Variants in RNASE13 observed in about 807,000 individuals in gnomAD.
RNASE13 encodes the protein probable inactive ribonuclease-like protein 13.
For synonymous variants in RNASE13, 67 were observed against 71.6 expected (o/e 0.94, Z 0.32); for missense variants, 188 against 192.8 (o/e 0.98, Z 0.15).
chr14:21,032,985 C>T lies in RNASE13; in HGVS notation c.*833G>A, dbSNP rs570797262. On this transcript the variant is annotated 3_prime_UTR_variant, in exon 2 of 2. Transcript: ENST00000382951. ...TATGTTCGATTAGAGCCGGGCCTGCCTCATTCGCTGCCTGGTCAGGGGCAG... is the reference window on the plus strand; with the variant it reads ...TATGTTCGATTAGAGCCGGGCCTGCTTCATTCGCTGCCTGGTCAGGGGCAG... The T allele has an allele frequency of 1.5e-4, 68 of 456,138 alleles. No homozygotes were observed. Among genetic ancestry groups the T allele is most frequent in the African/African-American group, 1.2e-3 (61 of 50,162 alleles). The allele number at this position is 456,138 out of a possible 1,614,324, so 28.3% of individuals were successfully genotyped here. A position where few individuals can be genotyped will look rare whatever the true frequency, so the allele number is the denominator to read the frequency against.
In RNASE13 at chr14:21,033,186, G is replaced by C; in HGVS notation, c.*632C>G. ...TGACTACGGTTGTTGGGAGTGTGGG[G>C]GAGACAGTCCTAGGCTCCATGGTAA... On this transcript the variant is annotated 3_prime_UTR_variant, in exon 2 of 2. Coordinates refer to ENST00000382951, the MANE Select transcript of RNASE13 (RefSeq NM_001012264.4). 2.7e-6 allele frequency: 1 copy of C among 365,430 alleles called. No homozygotes were observed. Among genetic ancestry groups the C allele is most frequent in the Non-Finnish European group, 5.3e-6 (1 of 187,464 alleles). 22.6% of individuals were successfully genotyped at this position (365,430 alleles called of 1,614,324 possible).
rs1025511681 is a variant in RNASE13 at position 21,034,667 on chromosome 14, C to T, written c.-20G>A. 4 of 197,718 alleles carry T rather than the reference C, an allele frequency of 2.0e-5. No homozygotes were observed. In the Admixed American group the frequency reaches 2.2e-4, roughly 11 times the overall value. The allele number at this position is 197,718 out of a possible 1,614,324, so 12.2% of individuals were successfully genotyped here. A position where few individuals can be genotyped will look rare whatever the true frequency, so the allele number is the denominator to read the frequency against. ...AGGAGCAGGCTGACCTGACAATTCT[C>T]TGGCAGCTGGGAGGAAGGACAGGAG... On this transcript the variant is annotated 5_prime_UTR_variant, in exon 1 of 2. Coordinates refer to ENST00000382951, the MANE Select transcript of RNASE13 (RefSeq NM_001012264.4).
In RNASE13 at chr14:21,034,059, G is replaced by C; in HGVS notation, c.230C>G (p.Ala77Gly). 1 of 1,614,100 alleles carries C rather than the reference G, an allele frequency of 6.2e-7. No individual in the cohort carries two copies. Among genetic ancestry groups the C allele is most frequent in the Non-Finnish European group, 8.5e-7 (1 of 1,179,948 alleles). Residue 77 changes from alanine (A) to glycine (G), a missense_variant, in exon 2 of 2, where the codon GCC becomes GGC. Coordinates refer to ENST00000382951, the MANE Select transcript of RNASE13 (RefSeq NM_001012264.4). Reference protein sequence around the residue: ...DCPKIHYVIHAPWKAIQKFCK... With the variant: ...DCPKIHYVIHGPWKAIQKFCK... Reference sequence around the variant, plus strand: ...GAACTTCTGGATGGCCTTCCAAGGGGCATGTATCACATAATGGATCTTTGG... The same window carrying C: ...GAACTTCTGGATGGCCTTCCAAGGGCCATGTATCACATAATGGATCTTTGG...
At chr14:21,034,547 A>G (rs973032925) in intron 1 of RNASE13, 109 bp downstream of exon 1, 2 of 464,400 alleles carry the variant, frequency 4.3e-6, no homozygotes, top group African/African-American at 3.9e-5. Context: ...ACATTTGCAG[A>G]ATAAGAGCTC....
Position 21,034,298 on chromosome 14 carries a change from T to C in RNASE13, c.-8-2A>G. On this transcript the variant is annotated splice_acceptor_variant, in intron 1 of 1. Coordinates refer to ENST00000382951, the MANE Select transcript of RNASE13 (RefSeq NM_001012264.4). LOFTEE classifies it low-confidence loss of function (5UTR_SPLICE). ...TCACAGCTGGTGCCATTCCTCCTGC[T>C]GGTAGAGTTAAGGTGGTTGGGGGCA... 6.2e-7 allele frequency: 1 copy of C among 1,601,424 alleles called. No homozygotes were observed. The highest frequency in any genetic ancestry group is 8.5e-7 in the Non-Finnish European group (1 of 1,173,032).
Position 21,033,753 on chromosome 14 carries a change from G to T in RNASE13, c.*65C>A. The T allele has an allele frequency of 1.8e-6, 2 of 1,085,446 alleles. No individual in the cohort carries two copies. Among genetic ancestry groups the T allele is most frequent in the Non-Finnish European group, 2.9e-6 (2 of 697,922 alleles). 67.2% of individuals were successfully genotyped at this position (1,085,446 alleles called of 1,614,324 possible). A position where few individuals can be genotyped will look rare whatever the true frequency, so the allele number is the denominator to read the frequency against. On this transcript the variant is annotated 3_prime_UTR_variant, in exon 2 of 2. Transcript: ENST00000382951. Reference sequence around the variant, plus strand: ...GTCAGGAAGGAAGTCTTGTTACAGGGATCAGAGTGTTGGAAATGGAGACAG... The same window carrying T: ...GTCAGGAAGGAAGTCTTGTTACAGGTATCAGAGTGTTGGAAATGGAGACAG...
intron 1 of RNASE13, 34 bp from the exon 2 acceptor site, chr14:21,034,330 G>C (rs1197258228): frequency 7.0e-7 from 1 of 1,434,952 alleles, no homozygotes; most frequent in Non-Finnish European, 9.6e-7. Context: ...GGCAGCAGTG[G>C]GCCTGAAGTG....
Position 21,033,104 on chromosome 14 carries a change from CA to C in RNASE13, c.*713del, listed in dbSNP as rs1043714343. 1.5e-5 allele frequency: 6 copies of C among 410,762 alleles called. No homozygotes were observed. Among genetic ancestry groups the C allele is most frequent in the African/African-American group, 1.3e-4 (6 of 47,614 alleles). The allele number at this position is 410,762 out of a possible 1,614,324, so 25.4% of individuals were successfully genotyped here. A position where few individuals can be genotyped will look rare whatever the true frequency, so the allele number is the denominator to read the frequency against. On this transcript the variant is annotated 3_prime_UTR_variant, in exon 2 of 2. Coordinates refer to ENST00000382951, the MANE Select transcript of RNASE13 (RefSeq NM_001012264.4). ...GGTGAGAGAAGATACCTTGAAATGC[CA>C]GTGAGCCAAGGTAAGAAGACTGGAA...
In RNASE13 at chr14:21,033,602, G is replaced by C. The variant is rs2139088768; in HGVS notation, c.*216C>G. 1.7e-6 allele frequency: 1 copy of C among 588,302 alleles called. No individual in the cohort carries two copies. Among genetic ancestry groups the C allele is most frequent in the Non-Finnish European group, 3.0e-6 (1 of 328,214 alleles). 36.4% of individuals were successfully genotyped at this position (588,302 alleles called of 1,614,324 possible). A position where few individuals can be genotyped will look rare whatever the true frequency, so the allele number is the denominator to read the frequency against. On this transcript the variant is annotated 3_prime_UTR_variant, in exon 2 of 2. Coordinates refer to ENST00000382951, the MANE Select transcript of RNASE13 (RefSeq NM_001012264.4). ...GAGAGGAAGGATGATGAGGAGGTGGGGGCGAAGAGGGGGTAAACAAGCTGG... is the reference window on the plus strand; with the variant it reads ...GAGAGGAAGGATGATGAGGAGGTGGCGGCGAAGAGGGGGTAAACAAGCTGG...
Position 21,033,662 on chromosome 14 carries a change from G to A in RNASE13, c.*156C>T. 1.6e-6 allele frequency: 1 copy of A among 643,292 alleles called. No homozygotes were observed. Among genetic ancestry groups the A allele is most frequent in the Non-Finnish European group, 2.8e-6 (1 of 356,012 alleles). The allele number at this position is 643,292 out of a possible 1,614,324, so 39.8% of individuals were successfully genotyped here. A position where few individuals can be genotyped will look rare whatever the true frequency, so the allele number is the denominator to read the frequency against. On this transcript the variant is annotated 3_prime_UTR_variant, in exon 2 of 2. Transcript: ENST00000382951. ...AGAAGATAGCACCACTTTGCATGGT[G>A]ATCAAAGCCCTGGACATTTTCGCAC...
rs1429884044 is a variant in RNASE13 at position 21,033,600 on chromosome 14, G to T, written c.*218C>A. The T allele has an allele frequency of 3.4e-6, 2 of 587,070 alleles. No individual in the cohort carries two copies. 36.4% of individuals were successfully genotyped at this position (587,070 alleles called of 1,614,324 possible). On this transcript the variant is annotated 3_prime_UTR_variant, in exon 2 of 2. Coordinates refer to ENST00000382951, the MANE Select transcript of RNASE13 (RefSeq NM_001012264.4). ...GGGAGAGGAAGGATGATGAGGAGGT[G>T]GGGGCGAAGAGGGGGTAAACAAGCT...
rs560423427 is a variant in RNASE13 at position 21,033,125 on chromosome 14, C to T, written c.*693G>A. The T allele has an allele frequency of 1.6e-5, 6 of 385,458 alleles. No homozygotes were observed. Among genetic ancestry groups the T allele is most frequent in the Admixed American group, 3.5e-5 (1 of 28,580 alleles). The allele number at this position is 385,458 out of a possible 1,614,324, so 23.9% of individuals were successfully genotyped here. Reference sequence around the variant, plus strand: ...ATGCCAGTGAGCCAAGGTAAGAAGACTGGAAGAAAAAGAGGTTGGAAAAAG... The same window carrying T: ...ATGCCAGTGAGCCAAGGTAAGAAGATTGGAAGAAAAAGAGGTTGGAAAAAG... On this transcript the variant is annotated 3_prime_UTR_variant, in exon 2 of 2. Transcript: ENST00000382951.
At position 21,033,032 on chromosome 14, in the gene RNASE13, G is replaced by T. The variant is rs780234559; in HGVS notation, c.*786C>A. ...GCAGACTCTGGAGTCTGGGGGATTT[G>T]GGAGGAGCTTCTGGAAGAGAAGGGA... On this transcript the variant is annotated 3_prime_UTR_variant, in exon 2 of 2. Coordinates refer to ENST00000382951, the MANE Select transcript of RNASE13 (RefSeq NM_001012264.4). The T allele has an allele frequency of 2.2e-5, 10 of 453,410 alleles. No homozygotes were observed. The highest frequency in any genetic ancestry group is 2.2e-5 in the Non-Finnish European group (5 of 226,180). 28.1% of individuals were successfully genotyped at this position (453,410 alleles called of 1,614,324 possible). A position where few individuals can be genotyped will look rare whatever the true frequency, so the allele number is the denominator to read the frequency against.
intron 1 of RNASE13, 50 bp downstream of exon 1, chr14:21,034,606 G>A (rs950432019): frequency 3.4e-6 from 1 of 294,636 alleles, no homozygotes; most frequent in Non-Finnish European, 6.3e-6. Flanking sequence ...TTGGGCCCCT[G>A]GCACTCCTGC....
chr14:21,032,976 C>T lies in RNASE13; in HGVS notation c.*842G>A, dbSNP rs185545100. The T allele has an allele frequency of 3.6e-4, 164 of 456,084 alleles. 2 individuals carry two copies. In the Admixed American group the frequency reaches 3.8e-3, roughly 10 times the overall value. The allele number at this position is 456,084 out of a possible 1,614,324, so 28.3% of individuals were successfully genotyped here. A position where few individuals can be genotyped will look rare whatever the true frequency, so the allele number is the denominator to read the frequency against. ...TTAGAAATTTATGTTCGATTAGAGCCGGGCCTGCCTCATTCGCTGCCTGGT... is the reference window on the plus strand; with the variant it reads ...TTAGAAATTTATGTTCGATTAGAGCTGGGCCTGCCTCATTCGCTGCCTGGT... On this transcript the variant is annotated 3_prime_UTR_variant, in exon 2 of 2. Transcript: ENST00000382951.
chr14:21,034,335 G>A (rs768009356), intron 1 of RNASE13, 39 bp from the exon 2 acceptor site: 9 of 1,420,366 alleles, frequency 6.3e-6, no homozygotes, highest in Non-Finnish European at 7.8e-6. Context: ...CAGTGGGCCT[G>A]AAGTGGCTGT....
rs375015270 is a variant in RNASE13 at position 21,034,073 on chromosome 14, A to G, written c.216T>C (p.His72=). Residue 72 remains histidine, a synonymous_variant, in exon 2 of 2, where the codon CAT becomes CAC. Coordinates refer to ENST00000382951, the MANE Select transcript of RNASE13 (RefSeq NM_001012264.4). Reference sequence around the variant, plus strand: ...CCTTCCAAGGGGCATGTATCACATAATGGATCTTTGGGCAATCTGAATTTT... The same window carrying G: ...CCTTCCAAGGGGCATGTATCACATAGTGGATCTTTGGGCAATCTGAATTTT... ...KMQNSDCPKI[H]YVIHAPWKAI... 52 of 1,614,168 alleles carry G rather than the reference A, an allele frequency of 3.2e-5. No homozygotes were observed. The highest frequency in any genetic ancestry group is 1.2e-4 in the South Asian group (11 of 91,082).
In RNASE13 at chr14:21,033,906, G is replaced by A; in HGVS notation, c.383C>T (p.Thr128Ile). 6.2e-7 allele frequency: 1 copy of A among 1,613,894 alleles called. No individual in the cohort carries two copies. The highest frequency in any genetic ancestry group is 1.1e-5 in the South Asian group (1 of 91,080). ...TAGGTAGAGCTTCTGGTTGGTTAGG[G>A]TGCTATTGTAGTAGCAGCTAGTGGG... ...QPPTSCYYNS[T>I]LTNQKLYLLC... The change falls in exon 2 of 2, where the codon ACC becomes ATC. Residue 128 changes from threonine (T) to isoleucine (I), a missense_variant. Physicochemically the swap from Thr to Ile is moderately conservative, Grantham distance 89. Coordinates refer to ENST00000382951, the MANE Select transcript of RNASE13 (RefSeq NM_001012264.4).
At position 21,033,294 on chromosome 14, in the gene RNASE13, G is replaced by A. The variant is rs527823218; in HGVS notation, c.*524C>T. On this transcript the variant is annotated 3_prime_UTR_variant, in exon 2 of 2. Coordinates refer to ENST00000382951, the MANE Select transcript of RNASE13 (RefSeq NM_001012264.4). ...GCAGGCTGGAAACTGGGGGTTGTGG[G>A]GAAGTGAGGCTAACATGAGTCTGAG... The A allele has an allele frequency of 1.1e-4, 36 of 313,534 alleles. No homozygotes were observed. Among genetic ancestry groups the A allele is most frequent in the Non-Finnish European group, 1.9e-4 (31 of 163,340 alleles). 19.4% of individuals were successfully genotyped at this position (313,534 alleles called of 1,614,324 possible).
Sources: allele counts gnomAD v4.1 joint callset, GRCh38; gene constraint gnomAD v4.1.1; transcripts MANE v1.5; gene names NCBI Gene and HGNC (gene_info 2026-07-23, HGNC 2026-07-21).